Variants in LHFPL6 observed in about 807,000 individuals in gnomAD.
The protein encoded by LHFPL6 is LHFPL tetraspan subfamily member 6 protein.
A neutral mutation model predicts 20.6 loss-of-function variants in LHFPL6; 9 were observed. The observed-to-expected ratio is 0.44, with a 90% CI of 0.26 to 0.76. The LOEUF is 0.76. Among genes scored for constraint, LHFPL6 ranks in the 30% least tolerant of loss-of-function variants. The pLI is 0.20. For synonymous variants in LHFPL6, 105 were observed against 98.7 expected (o/e 1.06, Z -0.38); for missense variants, 218 against 253.5 (o/e 0.86, Z 0.95).
At chr13:39,525,318 A>G (rs182348835) in intron 2 of LHFPL6, among the ~76,000 whole-genome samples, 3 of 152,368 alleles carry the variant, frequency 2.0e-5, no homozygotes, top group Admixed American at 1.3e-4. Flanking sequence ...TCAGGCTTCA[A>G]TAATGAAAAG....
intron 3 of LHFPL6, 21 bp from the exon 4 acceptor site, chr13:39,344,075 A>G: frequency 1.3e-6 from 2 of 1,589,588 alleles, no homozygotes; most frequent in South Asian, 2.2e-5. Context: ...AGGAAGGGGA[A>G]AGAAGAAAGT....
intron 2 of LHFPL6, among the ~76,000 whole-genome samples, chr13:39,420,771 A>G (rs891366801): frequency 6.6e-6 from 1 of 152,228 alleles, no homozygotes; most frequent in Non-Finnish European, 1.5e-5. Context: ...GAAGACCCTC[A>G]TGGTATGCTG....
Position 39,412,935 on chromosome 13 carries a change from AG to A in LHFPL6, c.386-34410del, listed in dbSNP as rs1871266844. Among the ~76,000 whole-genome samples the A allele has an allele frequency of 5.3e-5, 8 of 151,348 alleles. No individual in the cohort carries two copies. The South Asian group carries it at 1.7e-3, about 32-fold the overall frequency. On this transcript the variant is annotated intron_variant, in intron 2 of 3. Coordinates refer to ENST00000379589, the MANE Select transcript of LHFPL6 (RefSeq NM_005780.3). ...ATACTCCCGTCTCAAAAAAAAAAAAAGAAAAAAATTGTAAATGGCAGCAAGG... is the reference window on the plus strand; with the variant it reads ...ATACTCCCGTCTCAAAAAAAAAAAAAAAAAAAATTGTAAATGGCAGCAAGG...
At chr13:39,423,964 A>G (rs1031472743) in intron 2 of LHFPL6, among the ~76,000 whole-genome samples, 1 of 152,190 alleles carries the variant, frequency 6.6e-6, no homozygotes, top group African/African-American at 2.4e-5. Flanking sequence ...GCAACAGTAC[A>G]GCAGGTGAGG....
chr13:39,508,090 G>A (rs752906021), intron 2 of LHFPL6, among the ~76,000 whole-genome samples: 24 of 151,030 alleles, frequency 1.6e-4, no homozygotes, highest in Non-Finnish European at 2.4e-4. Context: ...GCGCCATCTC[G>A]GCTCACTGCA....
At chr13:39,465,676 G>A (rs530747886) in intron 2 of LHFPL6, among the ~76,000 whole-genome samples, 44 of 152,008 alleles carry the variant, frequency 2.9e-4, no homozygotes, top group Non-Finnish European at 6.0e-4. Context: ...TATTTGAAAC[G>A]TTCATCTGTA....
rs955515392 is a variant in LHFPL6 at position 39,554,914 on chromosome 13, A to G, written c.385+45918T>C. Among the ~76,000 whole-genome samples, 5 of 152,216 alleles carry G rather than the reference A, an allele frequency of 3.3e-5. No individual in the cohort carries two copies. The South Asian group carries it at 8.3e-4, about 25-fold the overall frequency. ...ATATGAACCTTTGCATCCCTCATAC[A>G]ACAGTACAATGCTTGATAGGCTAAA... On this transcript the variant is annotated intron_variant, in intron 2 of 3. Transcript: ENST00000379589.
At chr13:39,455,573 T>A (rs1225833939) in intron 2 of LHFPL6, among the ~76,000 whole-genome samples, 1 of 152,234 alleles carries the variant, frequency 6.6e-6, no homozygotes. Flanking sequence ...AAATGCTTAG[T>A]GCAGCACCAA....
chr13:39,344,210 C>A lies in LHFPL6; in HGVS notation c.485-156G>T, dbSNP rs76461458. Among the ~76,000 whole-genome samples, 738 of 152,298 alleles carry A rather than the reference C, an allele frequency of 4.8e-3. 22 individuals are homozygous for A. The East Asian group carries it at 0.088, about 18-fold the overall frequency. Reference sequence around the variant, plus strand: ...AATAATGTGCTGAAAGTTATCTTGACAGTGAAGAAAGCAAGAATGGCTGGA... The same window carrying A: ...AATAATGTGCTGAAAGTTATCTTGAAAGTGAAGAAAGCAAGAATGGCTGGA... On this transcript the variant is annotated intron_variant, in intron 3 of 3. Transcript: ENST00000379589.
chr13:39,344,955 C>T (rs1340828807), intron 3 of LHFPL6, among the ~76,000 whole-genome samples: 2 of 152,154 alleles, frequency 1.3e-5, no homozygotes, highest in Non-Finnish European at 2.9e-5. Flanking sequence ...TGGATTTCTG[C>T]ATTCATTAGC....
rs1422062786 is a variant in LHFPL6 at position 39,518,529 on chromosome 13, T to C, written c.385+82303A>G. ...TTACTGGTAAATAATTCTACTATAA[T>C]GTATATTTTTTCTTTGTTAACTTCA... is the stretch of plus-strand genomic sequence containing the variant. On this transcript the variant is annotated intron_variant, in intron 2 of 3. Transcript: ENST00000379589. Among the ~76,000 whole-genome samples the C allele has an allele frequency of 2.0e-5, 3 of 152,332 alleles. No homozygotes were observed. The East Asian group carries it at 5.8e-4, about 29-fold the overall frequency.
At chr13:39,349,803 C>A (rs1158926027) in intron 3 of LHFPL6, among the ~76,000 whole-genome samples, 1 of 152,000 alleles carries the variant, frequency 6.6e-6, no homozygotes, top group African/African-American at 2.4e-5. Flanking sequence ...ATGTGGGGGG[C>A]CAGGGAACAG....
intron 3 of LHFPL6, among the ~76,000 whole-genome samples, chr13:39,345,542 A>G (rs1162077953): frequency 6.8e-6 from 1 of 147,278 alleles, no homozygotes; most frequent in Non-Finnish European, 1.5e-5. Flanking sequence ...AAAAAAAAAG[A>G]AAGAAAATCA....
chr13:39,443,300 T>C (rs886285797), intron 2 of LHFPL6, among the ~76,000 whole-genome samples: 3 of 152,184 alleles, frequency 2.0e-5, no homozygotes, highest in Non-Finnish European at 4.4e-5. Context: ...CCTCACAAGA[T>C]GCAGTCCCTC....
intron 2 of LHFPL6, among the ~76,000 whole-genome samples, chr13:39,584,872 T>C (rs1308263892): frequency 1.3e-5 from 2 of 152,138 alleles, no homozygotes; most frequent in South Asian, 2.1e-4. Context: ...CCAAGACAAC[T>C]GTGCACACAC....
chr13:39,496,893 T>C (rs1016982343), intron 2 of LHFPL6, among the ~76,000 whole-genome samples: 1 of 152,164 alleles, frequency 6.6e-6, no homozygotes, highest in African/African-American at 2.4e-5. Flanking sequence ...CTAGGAGAGA[T>C]GACCACAGTA....
intron 2 of LHFPL6, among the ~76,000 whole-genome samples, chr13:39,537,447 G>A (rs938203949): frequency 2.6e-5 from 4 of 152,102 alleles, no homozygotes; most frequent in South Asian, 2.1e-4. Context: ...TTACAGCTCC[G>A]GAATATTTCA....
intron 2 of LHFPL6, among the ~76,000 whole-genome samples, chr13:39,379,588 G>A (rs952685329): frequency 1.8e-4 from 28 of 152,292 alleles, no homozygotes; most frequent in Admixed American, 4.6e-4. Context: ...CTTCCGGGCC[G>A]TCTTTTGTCT....
intron 2 of LHFPL6, among the ~76,000 whole-genome samples, chr13:39,414,566 T>C (rs868186932): frequency 9.2e-5 from 14 of 151,606 alleles, no homozygotes; most frequent in African/African-American, 3.2e-4. Flanking sequence ...ATCAGTCTTC[T>C]GGGACTTTCT....
Sources: gnomAD v4.1 joint callset for allele counts (sites outside exome capture counted in the v4.1 genomes callset) on GRCh38, gnomAD v4.1.1 for gene constraint, MANE v1.5 for transcripts, NCBI Gene and HGNC (gene_info 2026-07-23, HGNC 2026-07-21) for gene names.